Variants in VWF observed in about 807,000 individuals in gnomAD.
The protein encoded by VWF is Factor VIII related antigen.
A neutral mutation model predicts 308.6 loss-of-function variants in VWF; 176 were observed. The ratio of observed to expected loss-of-function variants is 0.57; its 90% CI spans 0.50 to 0.65. The LOEUF is 0.65. Ranked by LOEUF, VWF falls within the 30% of genes least tolerant of loss-of-function variation. VWF has a pLI of 0.00. For synonymous variants in VWF, 1,385 were observed against 1,443.4 expected, an observed-to-expected ratio of 0.96 and a Z score of 0.92; for missense variants, 3,146 against 3,648.2, an observed-to-expected ratio of 0.86 and a Z score of 3.55.
Position 6,018,927 on chromosome 12 carries a change from C to T in VWF, c.4491G>A (p.Leu1497=). ...ATCCTTCCAGGACGAACGCCACATCCAGAACCATGGAGTTCCTCTTGGGCC... is the reference window on the plus strand; with the variant it reads ...ATCCTTCCAGGACGAACGCCACATCTAGAACCATGGAGTTCCTCTTGGGCC... ...TLGPKRNSMV[L]DVAFVLEGSD... Residue 1497 remains leucine (L), a synonymous_variant, in exon 28 of 52, where the codon CTG becomes CTA. Coordinates refer to ENST00000261405, the MANE Select transcript of VWF (RefSeq NM_000552.5). 5.6e-6 allele frequency: 9 copies of T among 1,613,962 alleles called. No homozygotes were observed. Among genetic ancestry groups the T allele is most frequent in the Non-Finnish European group, 6.8e-6 (8 of 1,179,862 alleles).
intron 34 of VWF, among the ~76,000 whole-genome samples, chr12:6,005,396 A>AT (rs1241588022): frequency 6.6e-6 from 1 of 152,184 alleles, no homozygotes; most frequent in African/African-American, 2.4e-5. Context: ...ACTGCAACCT[A>AT]TATCACAGAT....
At chr12:6,014,490 G>A (rs1944035997) in intron 31 of VWF, among the ~76,000 whole-genome samples, 1 of 152,188 alleles carries the variant, frequency 6.6e-6, no homozygotes, top group Non-Finnish European at 1.5e-5. Context: ...GTGTGGGGAG[G>A]TGTGACTCTC....
chr12:6,110,632 G>A, intron 4 of VWF, 50 bp from the exon 5 acceptor site: 1 of 1,588,220 alleles, frequency 6.3e-7, no homozygotes, highest in African/African-American at 1.3e-5. Flanking sequence ...GCATTTTCTG[G>A]ATGTCTCTCC....
intron 37 of VWF, 152 bp downstream of exon 37, chr12:5,993,710 C>G: frequency 1.5e-6 from 1 of 647,226 alleles, no homozygotes; most frequent in Non-Finnish European, 2.7e-6. Flanking sequence ...TATATATCTT[C>G]CATCTTATTT....
chr12:5,972,944 C>T (rs1367800177), intron 43 of VWF, among the ~76,000 whole-genome samples: 1 of 152,176 alleles, frequency 6.6e-6, no homozygotes, highest in Non-Finnish European at 1.5e-5. Flanking sequence ...CTGTCATTCT[C>T]GTACGCCTCT....
chr12:6,031,649 C>A, intron 20 of VWF, 71 bp from the exon 21 acceptor site: 1 of 1,610,864 alleles, frequency 6.2e-7, no homozygotes, highest in Non-Finnish European at 8.5e-7. Flanking sequence ...AGATTGGCAT[C>A]TCTTCATCAC....
intron 9 of VWF, 128 bp from the exon 10 acceptor site, chr12:6,071,471 G>C: frequency 9.6e-7 from 1 of 1,042,218 alleles, no homozygotes; most frequent in Non-Finnish European, 1.5e-6. Flanking sequence ...AAGAGCTGGT[G>C]CTAGCAGAAT....
chr12:6,124,270 A>G (rs1231310235), intron 1 of VWF, among the ~76,000 whole-genome samples, 151 bp downstream of exon 1: 2 of 152,190 alleles, frequency 1.3e-5, no homozygotes, highest in Non-Finnish European at 2.9e-5. Context: ...AGGAGGGAGT[A>G]TTAGGATCAT....
intron 5 of VWF, among the ~76,000 whole-genome samples, chr12:6,103,535 C>CAT (rs1945206852): frequency 8.7e-6 from 1 of 114,404 alleles, no homozygotes; most frequent in Non-Finnish European, 1.7e-5. Context: ...TGTATATACA[C>CAT]ATATATGTAT....
At position 6,060,809 on chromosome 12, in the gene VWF, G is replaced by A. The variant is rs1020512036; in HGVS notation, c.1533+2145C>T. ...CCAAAGAAACCTGAGGGGAGGAAGG[G>A]CAGCTGCCCAGGATGAGAAGTTACG... On this transcript the variant is annotated intron_variant, in intron 13 of 51. Coordinates refer to ENST00000261405, the MANE Select transcript of VWF (RefSeq NM_000552.5). This position sits in a 1 kb window ranked among gnomAD's most constrained non-coding sequence, Gnocchi z 5.1. 6.6e-6 allele frequency among the ~76,000 whole-genome samples: 1 copy of A among 152,114 alleles called. No individual in the cohort carries two copies. Among genetic ancestry groups the A allele is most frequent in the East Asian group, 1.9e-4 (1 of 5,170 alleles).
chr12:6,055,230 T>C (rs1039729833), intron 15 of VWF, among the ~76,000 whole-genome samples: 4 of 152,144 alleles, frequency 2.6e-5, no homozygotes, highest in Non-Finnish European at 5.9e-5. Context: ...CAGGAGAATG[T>C]CCTAAATTAA....
chr12:6,018,737 T>G lies in VWF; in HGVS notation c.4681A>C (p.Ile1561Leu). ...PFSEAQSKGDILQRVREIRYQ... is the reference protein window; with the variant it reads ...PFSEAQSKGDLLQRVREIRYQ... ...CGGATCTCTCGCACCCGCTGCAGGA[T>G]GTCCCCTTTGGACTGTGCCTCGCTG... is the stretch of plus-strand genomic sequence containing the variant. Residue 1561 changes from isoleucine to leucine, a missense_variant, in exon 28 of 52, where the codon ATC (isoleucine) becomes CTC (leucine). By Grantham distance (5) the Ile-to-Leu change is conservative. Transcript: ENST00000261405. 1 of 1,613,600 alleles carries G rather than the reference T, an allele frequency of 6.2e-7. No individual in the cohort carries two copies. Among genetic ancestry groups the G allele is most frequent in the South Asian group, 1.1e-5 (1 of 91,072 alleles).
intron 29 of VWF, 39 bp from the exon 30 acceptor site, chr12:6,016,695 G>T (rs1244453994): frequency 9.3e-6 from 15 of 1,614,130 alleles, no homozygotes; most frequent in Non-Finnish European, 1.2e-5. Flanking sequence ...TTTGAATCAA[G>T]TAGAGCCACA....
intron 42 of VWF, among the ~76,000 whole-genome samples, chr12:5,977,538 T>A (rs1591839383): frequency 6.6e-6 from 1 of 152,202 alleles, no homozygotes; most frequent in Non-Finnish European, 1.5e-5. Flanking sequence ...TATACATGTA[T>A]AAAATTCAGT....
chr12:6,057,113 G>C (rs1392429103), intron 14 of VWF, 41 bp from the exon 15 acceptor site: 2 of 1,499,328 alleles, frequency 1.3e-6, no homozygotes, highest in South Asian at 1.2e-5. Flanking sequence ...TGGTGGGGAG[G>C]AGTGGGGGCC....
At chr12:6,113,970 G>A (rs923720272) in intron 3 of VWF, among the ~76,000 whole-genome samples, 2 of 152,218 alleles carry the variant, frequency 1.3e-5, no homozygotes, top group African/African-American at 2.4e-5. Flanking sequence ...ATGAGCCCAC[G>A]AGGTCTGGGC....
chr12:5,950,465 A>G (rs1291175411), intron 50 of VWF, among the ~76,000 whole-genome samples: 2 of 151,972 alleles, frequency 1.3e-5, no homozygotes, highest in Non-Finnish European at 2.9e-5. Context: ...TGGCATTCAG[A>G]TCTGAATCTC....
intron 28 of VWF, 43 bp downstream of exon 28, chr12:6,018,322 C>T (rs1243205810): frequency 1.3e-6 from 2 of 1,585,498 alleles, no homozygotes; most frequent in African/African-American, 1.3e-5. Flanking sequence ...GCCATGCCAG[C>T]CCTCGCCCAG....
chr12:5,950,852 ATTC>A (rs1240266119), intron 50 of VWF, among the ~76,000 whole-genome samples: 3 of 152,138 alleles, frequency 2.0e-5, no homozygotes, highest in East Asian at 1.9e-4. Context: ...CCTAGAGAGA[ATTC>A]TTCTTCTCTG....
Sources: gnomAD v4.1 joint callset for allele counts (sites outside exome capture counted in the v4.1 genomes callset) on GRCh38, gnomAD v4.1.1 for gene constraint, Gnocchi (gnomAD v3.1) non-coding constraint, MANE v1.5 for transcripts, NCBI Gene and HGNC (gene_info 2026-07-23, HGNC 2026-07-21) for gene names.